The following ADD1 variants were observed in gnomAD, a reference collection of about 807,000 sequenced individuals.
ADD1 encodes adducin 1.
A neutral mutation model predicts 80.5 loss-of-function variants in ADD1; 24 were observed. That is an observed-to-expected ratio of 0.30 (90% CI 0.22 to 0.42). The LOEUF is 0.42. ADD1 is among the 10% of genes least tolerant of loss of function. The pLI is 1.00. For missense variants in ADD1, 948 were observed against 1,019.0 expected, an observed-to-expected ratio of 0.93 and a Z score of 0.95; for synonymous variants, 373 against 393.8, an observed-to-expected ratio of 0.95 and a Z score of 0.63.
intron 4 of ADD1, among the ~76,000 whole-genome samples, chr4:2,888,509 G>C (rs1000111764): frequency 1.3e-5 from 2 of 151,060 alleles, no homozygotes; most frequent in Admixed American, 6.6e-5. Context: ...TCTACCTTCC[G>C]AGTTCAGGCA....
intron 1 of ADD1, among the ~76,000 whole-genome samples, chr4:2,846,191 C>T (rs1432671397): frequency 6.6e-6 from 1 of 152,180 alleles, no homozygotes; most frequent in African/African-American, 2.4e-5. Context: ...CACATGCTAT[C>T]TATACAGTGT....
chr4:2,895,229 C>T (rs936294828), intron 6 of ADD1, among the ~76,000 whole-genome samples: 1 of 152,068 alleles, frequency 6.6e-6, no homozygotes, highest in African/African-American at 2.4e-5. Flanking sequence ...GAACTCTAGC[C>T]TGGGTGACAG....
intron 13 of ADD1, among the ~76,000 whole-genome samples, chr4:2,913,999 C>T (rs1738522637): frequency 6.7e-6 from 1 of 149,740 alleles, no homozygotes. Flanking sequence ...GTGGAGCTTG[C>T]AGCGAGCCGA....
Position 2,894,410 on chromosome 4 carries a change from T to C in ADD1, c.592-172T>C, listed in dbSNP as rs192175673. On this transcript the variant is annotated intron_variant, in intron 5 of 15. Coordinates refer to ENST00000683351, the MANE Select transcript of ADD1 (RefSeq NM_001354761.2). ...CAACTCTACAAAAAAATACCAAAATTAGCTGGGCATGGTGGTGGGAGGATT... is the reference window on the plus strand; with the variant it reads ...CAACTCTACAAAAAAATACCAAAATCAGCTGGGCATGGTGGTGGGAGGATT... 9.9e-4 allele frequency among the ~76,000 whole-genome samples: 148 copies of C among 150,188 alleles called. 1 individual carries two copies. Among genetic ancestry groups the C allele is most frequent in the Admixed American group, 3.1e-3 (47 of 14,946 alleles).
At chr4:2,862,875 G>T (rs1044538216) in intron 1 of ADD1, among the ~76,000 whole-genome samples, 2 of 152,206 alleles carry the variant, frequency 1.3e-5, no homozygotes, top group Non-Finnish European at 1.5e-5. Flanking sequence ...CAGCCTCACA[G>T]TTAGTGCTTG....
At chr4:2,895,420 G>T (rs1349919402) in intron 6 of ADD1, among the ~76,000 whole-genome samples, 3 of 152,058 alleles carry the variant, frequency 2.0e-5, no homozygotes, top group Non-Finnish European at 2.9e-5. Context: ...GGGGTGGTGG[G>T]TGGAGGGTGC....
At chr4:2,921,389 A>G (rs1332213562) in intron 14 of ADD1, among the ~76,000 whole-genome samples, 1 of 152,114 alleles carries the variant, frequency 6.6e-6, no homozygotes, top group Non-Finnish European at 1.5e-5. Flanking sequence ...CAGCCTCCCA[A>G]AGTGCTGGGA....
At chr4:2,864,151 G>A (rs1025331240) in intron 1 of ADD1, among the ~76,000 whole-genome samples, 2 of 152,184 alleles carry the variant, frequency 1.3e-5, no homozygotes, top group Non-Finnish European at 2.9e-5. Context: ...GGTGGCTCAC[G>A]CCTTTAATCC....
chr4:2,878,875 G>A (rs1419294632), intron 2 of ADD1, among the ~76,000 whole-genome samples: 1 of 152,126 alleles, frequency 6.6e-6, no homozygotes, highest in Non-Finnish European at 1.5e-5. Context: ...TTCAGAACAG[G>A]GGAGGTGAGC....
chr4:2,864,725 C>T (rs1007280603), intron 1 of ADD1, among the ~76,000 whole-genome samples: 45 of 151,880 alleles, frequency 3.0e-4, no homozygotes, highest in African/African-American at 9.9e-4. Flanking sequence ...GGAGTCTACT[C>T]TCCAGGAGGT....
chr4:2,871,796 C>A (rs1219897264), intron 1 of ADD1, among the ~76,000 whole-genome samples: 1 of 152,154 alleles, frequency 6.6e-6, no homozygotes, highest in African/African-American at 2.4e-5. Flanking sequence ...CTAATATAAT[C>A]CTAGTAATAC....
chr4:2,910,950 C>G (rs190683287), intron 13 of ADD1, among the ~76,000 whole-genome samples: 147 of 152,276 alleles, frequency 9.7e-4, no homozygotes, highest in African/African-American at 3.4e-3. Context: ...CTTTTGCACC[C>G]TTGATCTTTA....
chr4:2,896,979 C>T (rs772378581), intron 6 of ADD1, among the ~76,000 whole-genome samples: 1 of 152,046 alleles, frequency 6.6e-6, no homozygotes, highest in African/African-American at 2.4e-5. Context: ...AGGCTGGTCT[C>T]GAACTCCTGG....
rs1282041000 is a variant in ADD1 at position 2,929,611 on chromosome 4, T to G, written c.*1088T>G. ...ATTTCAGGAGGTGCCGGTACCAGCC[T>G]GACTAGGTACAGGCAAGCTTGTGTG... On this transcript the variant is annotated 3_prime_UTR_variant, in exon 16 of 16. Coordinates refer to ENST00000683351, the MANE Select transcript of ADD1 (RefSeq NM_001354761.2). 1.3e-5 allele frequency: 2 copies of G among 152,286 alleles called. No individual in the cohort carries two copies. The highest frequency in any genetic ancestry group is 4.8e-5 in the African/African-American group (2 of 41,460). 9.4% of individuals were successfully genotyped at this position (152,286 alleles called of 1,614,324 possible).
intron 1 of ADD1, among the ~76,000 whole-genome samples, chr4:2,873,583 C>T (rs893598739): frequency 7.2e-5 from 11 of 152,200 alleles, no homozygotes; most frequent in African/African-American, 2.4e-4. Flanking sequence ...GATGGTTTTA[C>T]AAAGATTCCT....
At chr4:2,862,273 G>C (rs1015662154) in intron 1 of ADD1, among the ~76,000 whole-genome samples, 5 of 152,190 alleles carry the variant, frequency 3.3e-5, no homozygotes, top group Admixed American at 6.5e-5. Context: ...CGCTCAGAAG[G>C]AATTGAAACT....
chr4:2,894,393 C>CA (rs1408409907), intron 5 of ADD1, among the ~76,000 whole-genome samples, 189 bp from the exon 6 acceptor site: 3 of 149,718 alleles, frequency 2.0e-5, no homozygotes, highest in African/African-American at 7.4e-5. Flanking sequence ...CCCAACTCTA[C>CA]AAAAAAATAC....
At chr4:2,871,126 AC>A (rs1400913108) in intron 1 of ADD1, among the ~76,000 whole-genome samples, 1 of 151,644 alleles carries the variant, frequency 6.6e-6, no homozygotes, top group East Asian at 1.9e-4. Context: ...GCGCCACCAC[AC>A]CCGGCTAATT....
At position 2,926,618 on chromosome 4, in the gene ADD1, TC is replaced by T. The variant is rs1410466254; in HGVS notation, c.2047+509del. The T allele has an allele frequency of 1.2e-6, 2 of 1,613,270 alleles. No individual in the cohort carries two copies. The highest frequency in any genetic ancestry group is 1.7e-6 in the Non-Finnish European group (2 of 1,179,690). ...TAGATTCTCTCCTTGTGCTTTTTTC[TC>T]CCTGTGGCTGCGTCACAAGCAGGAG... On this transcript the variant is annotated intron_variant, in intron 15 of 15. Transcript: ENST00000683351. The surrounding 1 kb of genome is among the most constrained non-coding windows in gnomAD (Gnocchi z 5.0).
Sources: gnomAD v4.1 joint callset for allele counts (sites outside exome capture counted in the v4.1 genomes callset) on GRCh38, gnomAD v4.1.1 for gene constraint, Gnocchi (gnomAD v3.1) non-coding constraint, MANE v1.5 for transcripts, NCBI Gene and HGNC (gene_info 2026-07-23, HGNC 2026-07-21) for gene names.